Variants in MOK observed in about 807,000 individuals in gnomAD.
MOK encodes MOK protein kinase, also known as MAPK/MAK/MRK overlapping kinase.
In MOK, 59 loss-of-function variants were observed where a neutral mutation model predicts 54.2. The observed-to-expected ratio is 1.09, with a 90% CI of 0.88 to 1.35. The LOEUF is 1.35. Among genes scored for constraint, MOK ranks in the 40% most tolerant of loss-of-function variants. The probability of loss-of-function intolerance (pLI) is 0.00; values close to 1 mark genes in which losing one functional copy is unlikely to be tolerated. For synonymous variants in MOK, 210 were observed against 202.7 expected (o/e 1.04, Z -0.31); for missense variants, 517 against 526.2 (o/e 0.98, Z 0.17).
rs544743898 is a variant in MOK, at chr14:102,291,191, CT to C, written c.8-7600del. Reference sequence around the variant, plus strand: ...ACAAAAAACCGGAAGCCATAACTTGCTTGACAACTATAGCTTAACTAAGTCC... The same window carrying C: ...ACAAAAAACCGGAAGCCATAACTTGCTGACAACTATAGCTTAACTAAGTCC... On this transcript the variant is annotated intron_variant, in intron 1 of 11. Transcript: ENST00000361847. Among the ~76,000 whole-genome samples the C allele has an allele frequency of 2.6e-3, 401 of 152,250 alleles. 4 individuals carry two copies. Among genetic ancestry groups the C allele is most frequent in the African/African-American group, 9.1e-3 (377 of 41,548 alleles).
chr14:102,214,644 CTG>C, the MOK span: 40 of 984,588 alleles, frequency 4.1e-5, no homozygotes, highest in Non-Finnish European at 4.8e-5. Flanking sequence ...TTAGGCGACA[CTG>C]TATAAAATTG....
chr14:102,221,691 C>G (rs1056566930), downstream of MOK, among the ~76,000 whole-genome samples: 3 of 152,190 alleles, frequency 2.0e-5, no homozygotes, highest in Non-Finnish European at 4.4e-5. This position sits in a 1 kb window ranked among gnomAD's most constrained non-coding sequence, Gnocchi z 4.8. Flanking sequence ...TTGAGCGGGA[C>G]AGCTTGCTTC....
the MOK span, among the ~76,000 whole-genome samples, chr14:102,215,413 C>G: frequency 6.6e-6 from 1 of 152,186 alleles, no homozygotes; most frequent in Non-Finnish European, 1.5e-5. Context: ...GCCACCCAGC[C>G]AGCAGCTGGG....
intron 4 of MOK, among the ~76,000 whole-genome samples, chr14:102,256,001 CCACT>C (rs1358802432): frequency 4.6e-5 from 7 of 152,218 alleles, no homozygotes; most frequent in African/African-American, 1.7e-4. Flanking sequence ...AATACAGCTG[CCACT>C]GTAGCCTGCA....
intron 4 of MOK, chr14:102,260,660 C>T (rs1397840884): frequency 6.6e-6 from 1 of 152,138 alleles, no homozygotes; most frequent in Non-Finnish European, 1.5e-5. Flanking sequence ...GTGCACTGAA[C>T]ACACTGCCTG....
Position 102,232,188 on chromosome 14 carries a change from C to A in MOK, c.866+347G>T. 3.0e-6 allele frequency: 1 copy of A among 337,560 alleles called. No homozygotes were observed. The allele number at this position is 337,560 out of a possible 1,614,324, so 20.9% of individuals were successfully genotyped here. ...TACTTCCAGCGCCAGGTGACATCCA[C>A]AGTGCTCTACCATCTCAGAATGCAT... is the stretch of plus-strand genomic sequence containing the variant. On this transcript the variant is annotated intron_variant, in intron 9 of 11. Transcript: ENST00000361847. This position sits in a 1 kb window ranked among gnomAD's most constrained non-coding sequence, Gnocchi z 5.1.
intron 1 of MOK, among the ~76,000 whole-genome samples, chr14:102,300,236 A>AT (rs1288719461): frequency 4.0e-5 from 6 of 151,340 alleles, no homozygotes; most frequent in Non-Finnish European, 8.8e-5. Flanking sequence ...AGGCAGAAGA[A>AT]TCACTTGAAC....
At chr14:102,253,170 A>G (rs1002498539) in intron 4 of MOK, among the ~76,000 whole-genome samples, 2 of 152,316 alleles carry the variant, frequency 1.3e-5, no homozygotes, top group East Asian at 3.9e-4. Flanking sequence ...ATTGTTGATA[A>G]TTTTTTTCCT....
downstream of MOK, chr14:102,223,479 A>G (rs769018853): frequency 6.6e-6 from 1 of 152,646 alleles, no homozygotes; most frequent in Non-Finnish European, 1.5e-5. Flanking sequence ...TGCGGCGTGA[A>G]GATGCCCTTT....
chr14:102,298,511 A>T (rs898493994), intron 1 of MOK, among the ~76,000 whole-genome samples: 1 of 152,228 alleles, frequency 6.6e-6, no homozygotes, highest in African/African-American at 2.4e-5. Context: ...CTCTGTGTCT[A>T]GCTGATCTCA....
chr14:102,224,187 G>T (rs1017244200), downstream of MOK, among the ~76,000 whole-genome samples: 2 of 151,748 alleles, frequency 1.3e-5, no homozygotes, highest in Non-Finnish European at 2.9e-5. Context: ...GACTACAGGC[G>T]CCCGCCACCA....
At chr14:102,237,281 TCA>T (rs1207288234) in intron 7 of MOK, among the ~76,000 whole-genome samples, 1 of 152,118 alleles carries the variant, frequency 6.6e-6, no homozygotes, top group Non-Finnish European at 1.5e-5. Context: ...ACTCTCAAAC[TCA>T]CACAGTTACT....
intron 7 of MOK, among the ~76,000 whole-genome samples, chr14:102,248,627 A>T (rs1378847338): frequency 1.3e-5 from 2 of 151,692 alleles, no homozygotes; most frequent in Non-Finnish European, 1.5e-5. Flanking sequence ...AAATACAAAA[A>T]ATTAGCCGGG....
intron 7 of MOK, among the ~76,000 whole-genome samples, chr14:102,250,592 C>A (rs1250425187): frequency 6.6e-6 from 1 of 152,162 alleles, no homozygotes; most frequent in Non-Finnish European, 1.5e-5. Flanking sequence ...GGAGGGAGAA[C>A]AACTGAGGGC....
At chr14:102,251,674 T>A in intron 6 of MOK, 82 bp downstream of exon 6, 1 of 1,108,060 alleles carries the variant, frequency 9.0e-7, no homozygotes, top group Admixed American at 1.9e-5. Flanking sequence ...AAAGTTCCTC[T>A]GGTAGGAGGA....
downstream of MOK, among the ~76,000 whole-genome samples, chr14:102,221,959 GATGTA>G (rs1172454010): frequency 6.6e-6 from 1 of 152,166 alleles, no homozygotes; most frequent in African/African-American, 2.4e-5. This position sits in a 1 kb window ranked among gnomAD's most constrained non-coding sequence, Gnocchi z 4.8. Context: ...GCCACACTTT[GATGTA>G]ATGTAATTGC....
intron 7 of MOK, among the ~76,000 whole-genome samples, chr14:102,239,340 T>C (rs1163255652): frequency 2.0e-5 from 3 of 152,174 alleles, no homozygotes; most frequent in Non-Finnish European, 4.4e-5. Context: ...GCACCCTCCT[T>C]CCTCAGCCCA....
downstream of MOK, among the ~76,000 whole-genome samples, chr14:102,228,465 G>A (rs1443161792): frequency 6.6e-6 from 1 of 152,184 alleles, no homozygotes. Flanking sequence ...GGGAGGCCGA[G>A]GCGGGAGGAT....
chr14:102,227,398 C>G (rs1233707549), downstream of MOK, among the ~76,000 whole-genome samples: 2 of 151,404 alleles, frequency 1.3e-5, no homozygotes, highest in Non-Finnish European at 2.9e-5. Flanking sequence ...CTGCCCACGG[C>G]CTTGACGTCC....
Sources: gnomAD v4.1 joint callset for allele counts (sites outside exome capture counted in the v4.1 genomes callset) on GRCh38, gnomAD v4.1.1 for gene constraint, Gnocchi (gnomAD v3.1) non-coding constraint, MANE v1.5 for transcripts, NCBI Gene and HGNC (gene_info 2026-07-23, HGNC 2026-07-21) for gene names.